RIN2: variants seen among roughly 807,000 people sequenced by gnomAD.
RIN2 encodes RAB5 interacting protein 2.
In RIN2, 36 loss-of-function variants were observed where a neutral mutation model predicts 78.0. The ratio of observed to expected loss-of-function variants is 0.46; its 90% CI spans 0.35 to 0.61. The LOEUF is 0.61. Ranked by LOEUF, RIN2 falls within the 20% of genes least tolerant of loss-of-function variation. The probability of loss-of-function intolerance (pLI) is 0.00; values close to 1 mark genes in which losing one functional copy is unlikely to be tolerated. For synonymous variants in RIN2, 466 were observed against 466.8 expected, an observed-to-expected ratio of 1.00 and a Z score of 0.02; for missense variants, 1,087 against 1,159.7, an observed-to-expected ratio of 0.94 and a Z score of 0.91.
At chr20:19,904,028 A>T (rs1473936862) in intron 3 of RIN2, among the ~76,000 whole-genome samples, 1 of 151,978 alleles carries the variant, frequency 6.6e-6, no homozygotes, top group Admixed American at 6.6e-5. Context: ...AGGCGGGTAG[A>T]TCACTTGAGG....
chr20:19,974,549 C>G (rs2042205805), intron 8 of RIN2, 105 bp from the exon 9 acceptor site: 1 of 1,147,130 alleles, frequency 8.7e-7, no homozygotes, highest in Non-Finnish European at 1.2e-6. Flanking sequence ...CCTACCCCAC[C>G]CCGCAAGACT....
chr20:19,856,565 GAGGAAGGAAGGAA>G (rs1412902310), intron 2 of RIN2, among the ~76,000 whole-genome samples: 11 of 150,148 alleles, frequency 7.3e-5, no homozygotes, highest in African/African-American at 2.7e-4. Flanking sequence ...GAGAGAAAGG[GAGGAAGGAAGGAA>G]AGGAAGGGAG....
intron 2 of RIN2, among the ~76,000 whole-genome samples, chr20:19,862,309 T>A (rs561219197): frequency 1.3e-5 from 2 of 152,146 alleles, no homozygotes; most frequent in South Asian, 4.1e-4. Flanking sequence ...GAGTTGAACT[T>A]GGCCGGGCGT....
intron 9 of RIN2, among the ~76,000 whole-genome samples, chr20:19,988,878 G>A (rs761120193): frequency 1.9e-4 from 29 of 151,868 alleles, no homozygotes; most frequent in Non-Finnish European, 3.7e-4. Flanking sequence ...CGCCACATCT[G>A]CCTCATTCTT....
rs889532164 is a variant in RIN2 at position 19,964,460 on chromosome 20, T to G, written c.464-492T>G. Among the ~76,000 whole-genome samples the G allele has an allele frequency of 2.2e-4, 34 of 152,138 alleles. 1 individual carries two copies. Among genetic ancestry groups the G allele is most frequent in the Admixed American group, 1.7e-3 (26 of 15,264 alleles). ...TAACCAAAAGCTGATTTCAGGGAACTTGTTATATCCTCCCAGCTCTACATT... is the reference window on the plus strand; with the variant it reads ...TAACCAAAAGCTGATTTCAGGGAACGTGTTATATCCTCCCAGCTCTACATT... On this transcript the variant is annotated intron_variant, in intron 6 of 12. Coordinates refer to ENST00000255006, the MANE Select transcript of RIN2 (RefSeq NM_018993.4).
intron 2 of RIN2, among the ~76,000 whole-genome samples, chr20:19,825,358 C>A (rs2036058657): frequency 6.6e-6 from 1 of 152,180 alleles, no homozygotes. Flanking sequence ...GCAGTCCATG[C>A]CATGTGTGGG....
At chr20:19,926,603 G>GT (rs1040829019) in intron 3 of RIN2, among the ~76,000 whole-genome samples, 2 of 151,964 alleles carry the variant, frequency 1.3e-5, no homozygotes, top group Non-Finnish European at 2.9e-5. Context: ...GGGTAATGCG[G>GT]TTTTTTTAGG....
At chr20:19,898,835 C>T (rs1398822789) in intron 3 of RIN2, among the ~76,000 whole-genome samples, 1 of 152,202 alleles carries the variant, frequency 6.6e-6, no homozygotes, top group East Asian at 1.9e-4. Context: ...CAAAAAGGCC[C>T]TTTCATCTAG....
intron 2 of RIN2, among the ~76,000 whole-genome samples, chr20:19,843,616 AC>A (rs1223270185): frequency 3.3e-5 from 5 of 152,176 alleles, no homozygotes; most frequent in Non-Finnish European, 7.3e-5. Flanking sequence ...GCACTGGAAA[AC>A]CAAAAACTTT....
chr20:19,759,681 AG>A (rs1373030150), intron 1 of RIN2, among the ~76,000 whole-genome samples: 2 of 152,182 alleles, frequency 1.3e-5, no homozygotes, highest in East Asian at 3.9e-4. Context: ...CCTGGCCAAC[AG>A]GGTGAAACCC....
chr20:19,871,161 T>A (rs577346140), intron 2 of RIN2, among the ~76,000 whole-genome samples: 1 of 152,192 alleles, frequency 6.6e-6, no homozygotes, highest in Admixed American at 6.5e-5. Context: ...AAAGCTTTCA[T>A]TGTGGTCTGA....
At position 19,850,416 on chromosome 20, in the gene RIN2, G is replaced by A. The variant is rs17300678; in HGVS notation, c.-36-39150G>A. Among the ~76,000 whole-genome samples, 1,324 of 152,230 alleles carry A rather than the reference G, an allele frequency of 8.7e-3. 8 individuals are homozygous for A. Among genetic ancestry groups the A allele is most frequent in the Middle Eastern group, 0.02 (6 of 294 alleles). ...ATGTTACGTATCCCATCATCAGTGT[G>A]GACTCTGGCTGGACTCTAGACAATG... is the stretch of plus-strand genomic sequence containing the variant. On this transcript the variant is annotated intron_variant, in intron 2 of 12. Coordinates refer to ENST00000255006, the MANE Select transcript of RIN2 (RefSeq NM_018993.4).
rs1404708082 is a variant in RIN2 at position 19,855,846 on chromosome 20, C to T, written c.-36-33720C>T. Among the ~76,000 whole-genome samples the T allele has an allele frequency of 7.9e-5, 12 of 152,044 alleles. No individual in the cohort carries two copies. In the South Asian group the frequency reaches 8.3e-4, roughly 11 times the overall value. ...ATCCTAGCACTTTGGGAGGCCAAGG[C>T]GGGTGGATCACAAGGTCAGGAGTTC... On this transcript the variant is annotated intron_variant, in intron 2 of 12. Coordinates refer to ENST00000255006, the MANE Select transcript of RIN2 (RefSeq NM_018993.4).
intron 3 of RIN2, among the ~76,000 whole-genome samples, chr20:19,925,178 G>A (rs2040178866): frequency 6.6e-6 from 1 of 151,968 alleles, no homozygotes; most frequent in Admixed American, 6.6e-5. Context: ...GCCAACCCAG[G>A]GTATAGTGCT....
intron 2 of RIN2, among the ~76,000 whole-genome samples, chr20:19,842,300 G>A (rs937927177): frequency 2.0e-5 from 3 of 147,808 alleles, no homozygotes; most frequent in Admixed American, 1.4e-4. Flanking sequence ...TTGGCTCACT[G>A]CAACCTCTGC....
intron 1 of RIN2, among the ~76,000 whole-genome samples, chr20:19,790,897 A>G (rs1293178975): frequency 6.6e-6 from 1 of 152,194 alleles, no homozygotes; most frequent in African/African-American, 2.4e-5. Context: ...TGTCCAGACC[A>G]TGACCTGGCC....
intron 9 of RIN2, among the ~76,000 whole-genome samples, chr20:19,981,395 A>G (rs2042448919): frequency 6.6e-6 from 1 of 152,226 alleles, no homozygotes; most frequent in Admixed American, 6.5e-5. Flanking sequence ...GTAAAATTAA[A>G]GATTCCCTTC....
intron 2 of RIN2, among the ~76,000 whole-genome samples, chr20:19,841,472 G>A (rs142786296): frequency 2.3e-4 from 35 of 152,156 alleles, no homozygotes; most frequent in African/African-American, 6.5e-4. Context: ...TTGAAATGAC[G>A]ATCTGAACCA....
intron 2 of RIN2, among the ~76,000 whole-genome samples, chr20:19,816,482 G>C (rs1346977198): frequency 1.3e-5 from 2 of 152,200 alleles, no homozygotes; most frequent in African/African-American, 4.8e-5. Flanking sequence ...TGGTTAACCA[G>C]TTAAATAAGC....
Sources: allele counts gnomAD v4.1 joint callset (sites outside exome capture counted in the v4.1 genomes callset), GRCh38; gene constraint gnomAD v4.1.1; transcripts MANE v1.5; gene names NCBI Gene and HGNC (gene_info 2026-07-23, HGNC 2026-07-21).